The following SAMMSON variants were observed in gnomAD, a reference collection of about 807,000 sequenced individuals.
SAMMSON encodes the protein long intergenic non-protein coding RNA 1212.
chr3:70,171,181 G>A (rs747550704), intron 4 of SAMMSON, among the ~76,000 whole-genome samples: 2 of 151,432 alleles, frequency 1.3e-5, no homozygotes, highest in Non-Finnish European at 2.9e-5. Context: ...TTTTCCCCTA[G>A]ACTCTATTTC....
At chr3:70,359,893 G>A (rs1702858951) in intron 9 of SAMMSON, among the ~76,000 whole-genome samples, 1 of 152,092 alleles carries the variant, frequency 6.6e-6, no homozygotes, top group South Asian at 2.1e-4. Flanking sequence ...TTAGAAGAAT[G>A]CAGAGCAGTT....
intron 7 of SAMMSON, among the ~76,000 whole-genome samples, chr3:70,299,490 A>C (rs776751804): frequency 5.3e-5 from 8 of 152,122 alleles, no homozygotes; most frequent in Non-Finnish European, 7.4e-5. Context: ...CATATTAAAA[A>C]TTCCCATTGA....
chr3:70,336,043 C>T (rs1453852075), intron 7 of SAMMSON, among the ~76,000 whole-genome samples: 1 of 151,936 alleles, frequency 6.6e-6, no homozygotes, highest in African/African-American at 2.4e-5. Context: ...AAAAAAGAAC[C>T]TCATATTCTA....
At chr3:70,269,996 A>G (rs1701958533) in intron 6 of SAMMSON, among the ~76,000 whole-genome samples, 1 of 152,238 alleles carries the variant, frequency 6.6e-6, no homozygotes, top group South Asian at 2.1e-4. Flanking sequence ...AAACAGATCG[A>G]AACAAACAAC....
chr3:70,339,102 T>G (rs1702690020), intron 7 of SAMMSON, among the ~76,000 whole-genome samples: 1 of 151,920 alleles, frequency 6.6e-6, no homozygotes, highest in African/African-American at 2.4e-5. Context: ...ACACCACAAG[T>G]CTATAACCAT....
At chr3:70,045,074 A>AT in intron 3 of SAMMSON, among the ~76,000 whole-genome samples, 1 of 87,484 alleles carries the variant, frequency 1.1e-5, no homozygotes, top group East Asian at 3.7e-4. Context: ...ATATATTATA[A>AT]TTAATATATA....
At chr3:70,356,103 C>T (rs1021899624) in intron 8 of SAMMSON, among the ~76,000 whole-genome samples, 3 of 152,072 alleles carry the variant, frequency 2.0e-5, no homozygotes, top group African/African-American at 7.2e-5. Flanking sequence ...ACTGATCTAA[C>T]GGTAATGACT....
At chr3:70,351,467 G>T (rs1425226311) in intron 7 of SAMMSON, among the ~76,000 whole-genome samples, 1 of 152,026 alleles carries the variant, frequency 6.6e-6, no homozygotes, top group African/African-American at 2.4e-5. Flanking sequence ...CAGGAAGATG[G>T]AGATGTAATT....
chr3:70,290,284 G>T (rs931251513), intron 6 of SAMMSON, among the ~76,000 whole-genome samples: 1 of 152,164 alleles, frequency 6.6e-6, no homozygotes, highest in Non-Finnish European at 1.5e-5. Context: ...TAACAGACGG[G>T]ACTCTGAGCT....
intron 4 of SAMMSON, among the ~76,000 whole-genome samples, chr3:70,220,217 G>A (rs555636815): frequency 6.6e-6 from 1 of 151,992 alleles, no homozygotes; most frequent in Non-Finnish European, 1.5e-5. Flanking sequence ...TGTCTTTTCT[G>A]TGTGAGAGTA....
intron 4 of SAMMSON, among the ~76,000 whole-genome samples, chr3:70,142,357 T>TA (rs1235026980): frequency 1.3e-5 from 2 of 152,074 alleles, no homozygotes; most frequent in Non-Finnish European, 1.5e-5. Flanking sequence ...TACTCAGCCA[T>TA]AAAAAGGAAT....
intron 3 of SAMMSON, among the ~76,000 whole-genome samples, chr3:70,060,727 T>C (rs1354988795): frequency 2.6e-5 from 4 of 152,132 alleles, no homozygotes; most frequent in African/African-American, 9.6e-5. Context: ...CAGCAAAGAA[T>C]GATCTGGCCC....
At chr3:70,356,260 T>C (rs1344011799) in intron 8 of SAMMSON, among the ~76,000 whole-genome samples, 12 of 152,128 alleles carry the variant, frequency 7.9e-5, no homozygotes, top group African/African-American at 2.4e-4. Flanking sequence ...TTAGAAATTA[T>C]CACACGAAAT....
intron 2 of SAMMSON, among the ~76,000 whole-genome samples, chr3:70,402,417 T>G (rs148509479): frequency 7.9e-4 from 121 of 152,330 alleles, no homozygotes; most frequent in Non-Finnish European, 1.5e-3. Flanking sequence ...TAATTAAATT[T>G]TCACAACATC....
At chr3:70,431,709 A>G (rs1701413672) in intron 2 of SAMMSON, among the ~76,000 whole-genome samples, 1 of 152,086 alleles carries the variant, frequency 6.6e-6, no homozygotes, top group Admixed American at 6.5e-5. Context: ...TAAACAAGAT[A>G]TAGAATATTT....
chr3:70,213,296 G>A (rs1276116040), intron 4 of SAMMSON, among the ~76,000 whole-genome samples: 1 of 152,070 alleles, frequency 6.6e-6, no homozygotes, highest in Non-Finnish European at 1.5e-5. Context: ...GTGGAAACAG[G>A]TAGCTTGTTG....
intron 2 of SAMMSON, among the ~76,000 whole-genome samples, chr3:70,403,966 G>A (rs1255443833): frequency 1.3e-5 from 2 of 151,936 alleles, no homozygotes; most frequent in East Asian, 1.9e-4. Context: ...TTGACAAATA[G>A]GTTATAATTT....
intron 4 of SAMMSON, among the ~76,000 whole-genome samples, chr3:70,146,008 G>C (rs143208226): frequency 1.8e-4 from 28 of 152,014 alleles, no homozygotes; most frequent in African/African-American, 5.5e-4. Flanking sequence ...GAGTAAAAGA[G>C]AGAACATCAC....
intron 3 of SAMMSON, among the ~76,000 whole-genome samples, chr3:70,016,804 T>A (rs932622241): frequency 5.3e-5 from 8 of 152,226 alleles, no homozygotes; most frequent in African/African-American, 1.9e-4. Flanking sequence ...TTTCTACATA[T>A]GGCTAGCCAG....
Sources: gnomAD v4.1 joint callset for allele counts (sites outside exome capture counted in the v4.1 genomes callset) on GRCh38, gnomAD v4.1.1 for gene constraint, MANE v1.5 for transcripts, NCBI Gene and HGNC (gene_info 2026-07-23, HGNC 2026-07-21) for gene names.